The following CADM2 variants were observed in gnomAD, a reference collection of about 807,000 sequenced individuals.
CADM2 encodes immunoglobulin superfamily member 4D.
In CADM2, 12 loss-of-function variants were observed where a neutral mutation model predicts 49.8. The observed-to-expected ratio is 0.24, with a 90% CI of 0.15 to 0.39. The LOEUF is 0.39. Ranked by LOEUF, CADM2 falls within the 10% of genes least tolerant of loss-of-function variation. The probability of loss-of-function intolerance (pLI) is 1.00; values close to 1 mark genes in which losing one functional copy is unlikely to be tolerated. For missense variants in CADM2, 378 were observed against 492.3 expected, an observed-to-expected ratio of 0.77 and a Z score of 2.20; for synonymous variants, 214 against 175.4, an observed-to-expected ratio of 1.22 and a Z score of -1.74.
chr3:85,998,433 A>T (rs1431328897), intron 8 of CADM2, among the ~76,000 whole-genome samples: 1 of 152,162 alleles, frequency 6.6e-6, no homozygotes, highest in Admixed American at 6.5e-5. Flanking sequence ...AAACACAAAG[A>T]GGAATTGGAT....
At chr3:86,043,934 A>G (rs1215603232) in intron 8 of CADM2, among the ~76,000 whole-genome samples, 1 of 152,216 alleles carries the variant, frequency 6.6e-6, no homozygotes, top group East Asian at 1.9e-4. Context: ...GATCTTTGAC[A>G]AACCTGACGA....
At chr3:84,966,015 C>A (rs1193172167) in intron 1 of CADM2, among the ~76,000 whole-genome samples, 1 of 152,110 alleles carries the variant, frequency 6.6e-6, no homozygotes, top group East Asian at 1.9e-4. Flanking sequence ...ACTAACGTAG[C>A]TTTGTATATT....
At chr3:85,458,483 A>G (rs139098705) in intron 1 of CADM2, among the ~76,000 whole-genome samples, 267 of 152,278 alleles carry the variant, frequency 1.8e-3, no homozygotes, top group African/African-American at 5.9e-3. Context: ...GTGGTTATCT[A>G]TATACTACCT....
chr3:86,051,778 A>G (rs538003174), intron 8 of CADM2, among the ~76,000 whole-genome samples: 1 of 152,114 alleles, frequency 6.6e-6, no homozygotes, highest in Non-Finnish European at 1.5e-5. Context: ...CTTTGAAACA[A>G]TCAGATCTCA....
At chr3:85,648,111 T>C (rs2064942094) in intron 1 of CADM2, among the ~76,000 whole-genome samples, 1 of 151,972 alleles carries the variant, frequency 6.6e-6, no homozygotes, top group South Asian at 2.1e-4. Flanking sequence ...TTCTGTGGTG[T>C]AATTTAGGTA....
intron 1 of CADM2, among the ~76,000 whole-genome samples, chr3:85,096,360 C>A (rs1041851395): frequency 6.6e-6 from 1 of 151,470 alleles, no homozygotes; most frequent in African/African-American, 2.4e-5. Flanking sequence ...ATATAGATCA[C>A]TAAACATTCA....
intron 1 of CADM2, among the ~76,000 whole-genome samples, chr3:85,181,953 ATATAT>A (rs1457976619): frequency 1.3e-5 from 2 of 149,190 alleles, no homozygotes; most frequent in Non-Finnish European, 3.0e-5. Context: ...TATTCTTTTA[ATATAT>A]TATAATTTAT....
intron 1 of CADM2, among the ~76,000 whole-genome samples, chr3:85,251,471 A>G (rs1430409503): frequency 1.3e-5 from 2 of 151,928 alleles, no homozygotes; most frequent in East Asian, 3.9e-4. Flanking sequence ...TTTCATTAAT[A>G]TCATGAACTT....
intron 1 of CADM2, among the ~76,000 whole-genome samples, chr3:85,220,276 A>G (rs773305527): frequency 2.0e-5 from 3 of 152,084 alleles, no homozygotes; most frequent in Non-Finnish European, 4.4e-5. Flanking sequence ...AATTAATTCC[A>G]ATTTTGATGG....
At chr3:85,493,728 T>C (rs2039771597) in intron 1 of CADM2, among the ~76,000 whole-genome samples, 1 of 152,188 alleles carries the variant, frequency 6.6e-6, no homozygotes. Flanking sequence ...ATGTGGTCAT[T>C]GCCTTCAATG....
intron 1 of CADM2, among the ~76,000 whole-genome samples, chr3:85,036,605 T>G (rs2035222638): frequency 6.6e-6 from 1 of 152,134 alleles, no homozygotes; most frequent in Non-Finnish European, 1.5e-5. Flanking sequence ...TTGCCATTAC[T>G]TTTAGTAGCA....
chr3:85,237,648 A>C (rs2042437897), intron 1 of CADM2, among the ~76,000 whole-genome samples: 1 of 151,686 alleles, frequency 6.6e-6, no homozygotes, highest in African/African-American at 2.4e-5. Flanking sequence ...GAATAATTAC[A>C]TATCATCTTA....
chr3:85,530,318 C>G (rs2061270627), intron 1 of CADM2, among the ~76,000 whole-genome samples: 2 of 122,128 alleles, frequency 1.6e-5, no homozygotes, highest in South Asian at 5.5e-4. Context: ...GACTTCTTTT[C>G]TCCGTTTTTT....
At chr3:85,460,956 G>A (rs1301212271) in intron 1 of CADM2, among the ~76,000 whole-genome samples, 1 of 152,068 alleles carries the variant, frequency 6.6e-6, no homozygotes, top group Non-Finnish European at 1.5e-5. Context: ...AGTAAAGTCT[G>A]GGAAGGAACG....
At position 86,062,026 on chromosome 3, in the gene CADM2, CA is replaced by C. The variant is rs1248974607; in HGVS notation, c.971-3578del. Among the ~76,000 whole-genome samples, 5 of 151,200 alleles carry C rather than the reference CA, an allele frequency of 3.3e-5. No individual in the cohort carries two copies. In the East Asian group the frequency reaches 9.7e-4, roughly 29 times the overall value. On this transcript the variant is annotated intron_variant, in intron 8 of 9. Transcript: ENST00000383699. Reference sequence around the variant, plus strand: ...ATTTGTACAATTTTTTGGCAATGTACATTGACAATATTTATCAAAAGCCTTT... The same window carrying C: ...ATTTGTACAATTTTTTGGCAATGTACTTGACAATATTTATCAAAAGCCTTT...
chr3:86,039,473 G>A (rs1735576518), intron 8 of CADM2, among the ~76,000 whole-genome samples: 2 of 152,166 alleles, frequency 1.3e-5, no homozygotes, highest in African/African-American at 4.8e-5. Context: ...CGCCCACGGA[G>A]CCTCACTCAT....
chr3:85,885,983 A>G (rs1713598160), intron 4 of CADM2, among the ~76,000 whole-genome samples: 1 of 151,906 alleles, frequency 6.6e-6, no homozygotes, highest in Non-Finnish European at 1.5e-5. Context: ...ATGTGTGTAT[A>G]TGTTTATGTG....
chr3:84,964,835 G>A (rs1053273806), intron 1 of CADM2, among the ~76,000 whole-genome samples: 1 of 152,144 alleles, frequency 6.6e-6, no homozygotes, highest in Non-Finnish European at 1.5e-5. Flanking sequence ...CTTGTGATGG[G>A]ATTAAATGAT....
intron 1 of CADM2, among the ~76,000 whole-genome samples, chr3:85,710,550 G>T (rs1348505542): frequency 6.6e-6 from 1 of 152,034 alleles, no homozygotes; most frequent in African/African-American, 2.4e-5. Context: ...TTTCCAGTTT[G>T]CATAGAGAGG....
Sources: gnomAD v4.1 joint callset for allele counts (sites outside exome capture counted in the v4.1 genomes callset) on GRCh38, gnomAD v4.1.1 for gene constraint, MANE v1.5 for transcripts, NCBI Gene and HGNC (gene_info 2026-07-23, HGNC 2026-07-21) for gene names.